The following ZHX1 variants were observed in gnomAD, a reference collection of about 807,000 sequenced individuals.
The protein encoded by ZHX1 is zinc fingers and homeoboxes protein 1.
Under a neutral mutation model 61.8 loss-of-function variants are expected in ZHX1, and 20 were observed. That is an observed-to-expected ratio of 0.32 (90% CI 0.23 to 0.47). The LOEUF (loss-of-function observed/expected upper bound fraction) is 0.47. Ranked by LOEUF, ZHX1 falls within the 20% of genes least tolerant of loss-of-function variation. The pLI is 1.00. For missense variants in ZHX1, 800 were observed against 1,034.8 expected (o/e 0.77, Z 3.11); for synonymous variants, 318 against 352.6 (o/e 0.90, Z 1.10).
At chr8:123,261,335 A>G (rs1380197032) in intron 2 of ZHX1, among the ~76,000 whole-genome samples, 2 of 152,202 alleles carry the variant, frequency 1.3e-5, no homozygotes, top group African/African-American at 4.8e-5. Flanking sequence ...ATTAATTCAT[A>G]AAGTCATTGT....
At chr8:123,267,103 T>C (rs1826483398) in intron 2 of ZHX1, among the ~76,000 whole-genome samples, 170 bp downstream of exon 2, 2 of 152,202 alleles carry the variant, frequency 1.3e-5, no homozygotes, top group South Asian at 2.1e-4. Context: ...AGCAGTCCTA[T>C]ACTTATAGCT....
Position 123,274,220 on chromosome 8 carries a change from C to T in ZHX1, c.-343G>A. ...CGGAGCCGGCTCGCGCCACTACCTGCAGGGGCCGCCGCGCCTCTCAGCGCC... is the reference window on the plus strand; with the variant it reads ...CGGAGCCGGCTCGCGCCACTACCTGTAGGGGCCGCCGCGCCTCTCAGCGCC... On this transcript the variant is annotated 5_prime_UTR_variant, in exon 1 of 4. Coordinates refer to ENST00000395571, the MANE Select transcript of ZHX1 (RefSeq NM_007222.5). 1 of 153,698 alleles carries T rather than the reference C, an allele frequency of 6.5e-6. No homozygotes were observed. The highest frequency in any genetic ancestry group is 1.4e-5 in the Non-Finnish European group (1 of 69,230). 9.5% of individuals were successfully genotyped at this position (153,698 alleles called of 1,614,324 possible). A position where few individuals can be genotyped will look rare whatever the true frequency, so the allele number is the denominator to read the frequency against.
At position 123,250,008 on chromosome 8, in the gene ZHX1, T is replaced by A; in HGVS notation, c.*316A>T. 1 of 311,306 alleles carries A rather than the reference T, an allele frequency of 3.2e-6. No homozygotes were observed. Among genetic ancestry groups the A allele is most frequent in the African/African-American group, 2.2e-5 (1 of 44,920 alleles). The allele number at this position is 311,306 out of a possible 1,614,324, so 19.3% of individuals were successfully genotyped here. Reference sequence around the variant, plus strand: ...TATGAGGACAAGCTCTAGTGGTCATTAAACCCCCTCAGAAAGTCTAAGATT... The same window carrying A: ...TATGAGGACAAGCTCTAGTGGTCATAAAACCCCCTCAGAAAGTCTAAGATT... On this transcript the variant is annotated 3_prime_UTR_variant, in exon 4 of 4. Coordinates refer to ENST00000395571, the MANE Select transcript of ZHX1 (RefSeq NM_007222.5).
At chr8:123,265,969 A>T (rs376592450) in intron 2 of ZHX1, among the ~76,000 whole-genome samples, 144 of 152,324 alleles carry the variant, frequency 9.5e-4, no homozygotes, top group African/African-American at 3.3e-3. Context: ...TTAAAAGAAG[A>T]ATCCAAATCG....
At chr8:123,267,843 A>T (rs1232116421) in intron 1 of ZHX1, among the ~76,000 whole-genome samples, 1 of 152,158 alleles carries the variant, frequency 6.6e-6, no homozygotes, top group African/African-American at 2.4e-5. Flanking sequence ...CTCTACTAAA[A>T]ATACAAAATT....
At chr8:123,272,500 A>C (rs1045107811) in intron 1 of ZHX1, among the ~76,000 whole-genome samples, 4 of 152,174 alleles carry the variant, frequency 2.6e-5, no homozygotes, top group Non-Finnish European at 4.4e-5. Context: ...TAAAATCAGG[A>C]GTCAGAATTG....
chr8:123,267,293 T>A lies in ZHX1; in HGVS notation c.-246A>T, dbSNP rs1285892860. 2.0e-6 allele frequency: 3 copies of A among 1,531,096 alleles called. No homozygotes were observed. In the African/African-American group the frequency reaches 4.1e-5, roughly 21 times the overall value. The allele number at this position is 1,531,096 out of a possible 1,614,324, so 94.8% of individuals were successfully genotyped here. ...CATACTTGCCACAGCTTCCTTAGCATTCTGTTCTTTGAAATGGAAGGGTAT... is the reference window on the plus strand; with the variant it reads ...CATACTTGCCACAGCTTCCTTAGCAATCTGTTCTTTGAAATGGAAGGGTAT... On this transcript the variant is annotated 5_prime_UTR_variant, in exon 2 of 4. It removes an upstream start codon present in the reference 5' UTR. Coordinates refer to ENST00000395571, the MANE Select transcript of ZHX1 (RefSeq NM_007222.5).
Position 123,253,907 on chromosome 8 carries a change from G to C in ZHX1, c.2040C>G (p.Val680=). 1 of 1,614,182 alleles carries C rather than the reference G, an allele frequency of 6.2e-7. No homozygotes were observed. The highest frequency in any genetic ancestry group is 8.5e-7 in the Non-Finnish European group (1 of 1,180,032). The part of the protein sequence containing the change: ...EQLHMLKSAF[V]RTQWPSPEEY... ...CTTCTGGTGATGGCCACTGTGTCCG[G>C]ACAAATGCACTCTTAAGCATGTGCA... Residue 680 remains valine (V), a synonymous_variant, in exon 3 of 4, where the codon GTC becomes GTG. Transcript: ENST00000395571.
In ZHX1 at chr8:123,254,268, G is replaced by A; in HGVS notation, c.1679C>T (p.Ser560Phe). The A allele has an allele frequency of 1.2e-6, 2 of 1,614,128 alleles. No individual in the cohort carries two copies. Among genetic ancestry groups the A allele is most frequent in the Non-Finnish European group, 8.5e-7 (1 of 1,180,010 alleles). ...AGTAAAGTCAGGAAAAGGATTCCAG[G>A]ATTGCTTAGGCTGTGCAGTACCAAC... ...PTVGTAQPKQ[S>F]WNPFPDFTPQ... Residue 560 changes from serine (S) to phenylalanine (F), a missense_variant, in exon 3 of 4, where the codon TCC becomes TTC. Coordinates refer to ENST00000395571, the MANE Select transcript of ZHX1 (RefSeq NM_007222.5). The surrounding 1 kb of genome is among the most constrained non-coding windows in gnomAD (Gnocchi z 4.1).
At chr8:123,261,007 G>A (rs1014674424) in intron 2 of ZHX1, among the ~76,000 whole-genome samples, 1 of 152,158 alleles carries the variant, frequency 6.6e-6, no homozygotes, top group East Asian at 1.9e-4. Flanking sequence ...GGGTGACAGA[G>A]AGAGACTCTG....
rs192274416 is a variant in ZHX1 at position 123,264,585 on chromosome 8, G to C, written c.-226+2688C>G. ...ACAAACTTTTTTTTCTTGAGACGGA[G>C]TCCCACTCTGTTGCCCAGGCTGGAG... On this transcript the variant is annotated intron_variant, in intron 2 of 3. Transcript: ENST00000395571. Among the ~76,000 whole-genome samples, 245 of 152,120 alleles carry C rather than the reference G, an allele frequency of 1.6e-3. 1 individual carries two copies. Among genetic ancestry groups the C allele is most frequent in the African/African-American group, 5.8e-3 (241 of 41,514 alleles).
intron 1 of ZHX1, among the ~76,000 whole-genome samples, chr8:123,273,325 G>GC (rs1826721422): frequency 6.6e-6 from 1 of 152,112 alleles, no homozygotes; most frequent in Admixed American, 6.5e-5. Context: ...CTTCTTTCCT[G>GC]CCCTTAGACC....
intron 3 of ZHX1, among the ~76,000 whole-genome samples, chr8:123,251,822 C>G (rs553947982): frequency 6.6e-6 from 1 of 152,054 alleles, no homozygotes; most frequent in African/African-American, 2.4e-5. Flanking sequence ...ACCCTATAAC[C>G]TGGAATGATA....
rs1316473065 is a variant in ZHX1, at chr8:123,248,549, T to C, written c.*1775A>G. The C allele has an allele frequency of 2.0e-5, 3 of 152,168 alleles. No individual in the cohort carries two copies. The highest frequency in any genetic ancestry group is 4.4e-5 in the Non-Finnish European group (3 of 68,002). 9.4% of individuals were successfully genotyped at this position (152,168 alleles called of 1,614,324 possible). A position where few individuals can be genotyped will look rare whatever the true frequency, so the allele number is the denominator to read the frequency against. ...CTGTCAAATAAATATATTTAAAAGC[T>C]AGCAAACGTCAGAGAAGAGTTTTAT... is the stretch of plus-strand genomic sequence containing the variant. On this transcript the variant is annotated 3_prime_UTR_variant, in exon 4 of 4. Coordinates refer to ENST00000395571, the MANE Select transcript of ZHX1 (RefSeq NM_007222.5).
At chr8:123,268,075 T>C (rs1826521732) in intron 1 of ZHX1, among the ~76,000 whole-genome samples, 1 of 152,184 alleles carries the variant, frequency 6.6e-6, no homozygotes, top group African/African-American at 2.4e-5. Flanking sequence ...ATGGGAGTAG[T>C]TGTATATGTT....
intron 2 of ZHX1, among the ~76,000 whole-genome samples, chr8:123,259,740 A>C (rs1217698445): frequency 6.6e-6 from 1 of 152,076 alleles, no homozygotes; most frequent in Non-Finnish European, 1.5e-5. Context: ...TAATAGTTGG[A>C]AGGCAAGAGG....
chr8:123,263,630 G>A (rs565336943), intron 2 of ZHX1, among the ~76,000 whole-genome samples: 36 of 152,090 alleles, frequency 2.4e-4, no homozygotes, highest in Admixed American at 1.2e-3. Context: ...TCAGAAGTTC[G>A]AGACCAACCT....
intron 1 of ZHX1, among the ~76,000 whole-genome samples, chr8:123,269,208 A>T (rs543993070): frequency 5.6e-4 from 86 of 152,304 alleles, no homozygotes; most frequent in Non-Finnish European, 8.5e-4. Flanking sequence ...TGAATTATTA[A>T]TACTTTAGGA....
At chr8:123,267,712 AGTAT>A (rs1237374418) in intron 1 of ZHX1, among the ~76,000 whole-genome samples, 3 of 152,166 alleles carry the variant, frequency 2.0e-5, no homozygotes, top group African/African-American at 7.2e-5. Context: ...CTTTAAAATG[AGTAT>A]ACCGGCCGGG....
Sources: allele counts gnomAD v4.1 joint callset (sites outside exome capture counted in the v4.1 genomes callset), GRCh38; gene constraint gnomAD v4.1.1; non-coding constraint Gnocchi (gnomAD v3.1); transcripts MANE v1.5; gene names NCBI Gene and HGNC (gene_info 2026-07-23, HGNC 2026-07-21).